Variants in SLC7A3 observed in about 807,000 individuals in gnomAD.
SLC7A3 encodes cationic amino acid transporter 3.
SLC7A3 carries 3 observed loss-of-function variants against 33.2 expected under a neutral mutation model. That is an observed-to-expected ratio of 0.09 (90% CI 0.04 to 0.23). SLC7A3 has a LOEUF of 0.23. Ranked by LOEUF, SLC7A3 falls within the 10% of genes least tolerant of loss-of-function variation. The probability of loss-of-function intolerance (pLI) is 1.00; values close to 1 mark genes in which losing one functional copy is unlikely to be tolerated. For missense variants in SLC7A3, 360 were observed against 488.8 expected, an observed-to-expected ratio of 0.74 and a Z score of 2.48; for synonymous variants, 193 against 195.1, an observed-to-expected ratio of 0.99 and a Z score of 0.09.
At chrX:70,928,410 C>T in intron 4 of SLC7A3, 46 bp downstream of exon 4, 2 of 1,154,044 alleles carry the variant, frequency 1.7e-6, no homozygotes, top group East Asian at 6.2e-5. Context: ...CCCCTTCTTC[C>T]CCTTCATTTT....
intron 8 of SLC7A3, 119 bp downstream of exon 8, chrX:70,927,163 C>T: frequency 9.4e-7 from 1 of 1,065,570 alleles, no homozygotes; most frequent in Non-Finnish European, 1.3e-6. Context: ...GGTGAGATAC[C>T]CAGATTCCTC....
intron 1 of SLC7A3, among the ~76,000 whole-genome samples, 165 bp from the exon 2 acceptor site, chrX:70,930,187 C>A (rs1488620264): frequency 8.9e-6 from 1 of 111,941 alleles, no homozygotes; most frequent in Non-Finnish European, 1.9e-5. Flanking sequence ...TCAGTTTCTT[C>A]ATAAACAAGT....
At chrX:70,927,079 T>C (rs2091898677) in intron 8 of SLC7A3, 38 bp from the exon 9 acceptor site, 1 of 1,174,201 alleles carries the variant, frequency 8.5e-7, no homozygotes, top group South Asian at 2.0e-5. Flanking sequence ...AAGAACAACC[T>C]TTACTCACTT....
intron 7 of SLC7A3, 45 bp from the exon 8 acceptor site, chrX:70,927,429 C>T: frequency 8.3e-7 from 1 of 1,209,618 alleles, no homozygotes; most frequent in African/African-American, 1.7e-5. Context: ...AAGGGAGTGG[C>T]AAAGTTAAAG....
intron 5 of SLC7A3, 59 bp from the exon 6 acceptor site, chrX:70,928,079 C>T (rs747194229): frequency 1.7e-6 from 2 of 1,183,590 alleles, no homozygotes; most frequent in Non-Finnish European, 2.3e-6. Flanking sequence ...CTACCACCCC[C>T]AGTCTGCATA....
Position 70,930,023 on chromosome X carries a change from C to T in SLC7A3, c.-25-1G>A, listed in dbSNP as rs765097811. Reference sequence around the variant, plus strand: ...CCTAGCAGGAATTGAAGAAGATGATCTGGTGAAAAACAAGACAAAAACCCC... The same window carrying T: ...CCTAGCAGGAATTGAAGAAGATGATTTGGTGAAAAACAAGACAAAAACCCC... On this transcript the variant is annotated splice_acceptor_variant, in intron 1 of 11. Transcript: ENST00000374299. LOFTEE classifies it low-confidence loss of function (5UTR_SPLICE). The T allele has an allele frequency of 8.5e-7, 1 of 1,181,342 alleles. No individual in the cohort carries two copies. The highest frequency in any genetic ancestry group is 3.0e-5 in the East Asian group (1 of 33,411).
intron 3 of SLC7A3, 54 bp downstream of exon 3, chrX:70,928,790 G>C: frequency 8.5e-7 from 1 of 1,181,827 alleles, no homozygotes; most frequent in South Asian, 1.9e-5. Context: ...CTGGCCCCAA[G>C]GACTAGCCCC....
In SLC7A3 at chrX:70,926,953, A is replaced by G. The variant is rs2091898406; in HGVS notation, c.1375T>C (p.Trp459Arg). 4 of 1,211,391 alleles carry G rather than the reference A, an allele frequency of 3.3e-6. No individual in the cohort carries two copies. The highest frequency in any genetic ancestry group is 4.5e-6 in the Non-Finnish European group (4 of 895,395). ...ITTESEKLTL[W>R]GLFFPLNSIP... ...GAGTTGAGTGGGAAAAATAGTCCCC[A>G]TAGGGTCAACTTCTCTGATTCAGTA... The change falls in exon 9 of 12, where the codon TGG (tryptophan) becomes CGG (arginine). Residue 459 changes from tryptophan to arginine, a missense_variant. Transcript: ENST00000374299.
chrX:70,926,206 A>G, intron 10 of SLC7A3, 28 bp from the exon 11 acceptor site: 2 of 1,138,761 alleles, frequency 1.8e-6, no homozygotes, highest in African/African-American at 1.8e-5. Context: ...TCTTCTTTGT[A>G]CATACCACAG....
At chrX:70,930,622 T>TA (rs1190806104) in intron 1 of SLC7A3, among the ~76,000 whole-genome samples, 2 of 112,193 alleles carry the variant, frequency 1.8e-5, no homozygotes, top group Non-Finnish European at 3.8e-5. Flanking sequence ...CAAGCCCTGC[T>TA]AGGCTGACCT....
rs770740603 is a variant in SLC7A3, at chrX:70,928,303, A to G, written c.708-46T>C. 7.9e-6 allele frequency: 9 copies of G among 1,138,019 alleles called. No homozygotes were observed. The Admixed American group carries it at 1.6e-4, about 21-fold the overall frequency. The allele number at this position is 1,138,019 out of a possible 1,213,427, so 93.8% of individuals were successfully genotyped here. A position where few individuals can be genotyped will look rare whatever the true frequency, so the allele number is the denominator to read the frequency against. On this transcript the variant is annotated intron_variant, in intron 4 of 11. Coordinates refer to ENST00000374299, the MANE Select transcript of SLC7A3 (RefSeq NM_032803.6). ...GAGAAGGTAAGGGTGTGTTCAGCCA[A>G]CTCTGTATCTTTTCTCTAATGCCAA...
At chrX:70,927,452 C>A in intron 7 of SLC7A3, 32 bp downstream of exon 7, 1 of 1,210,894 alleles carries the variant, frequency 8.3e-7, no homozygotes, top group Non-Finnish European at 1.1e-6. Context: ...GTTGGCGAAA[C>A]AACTAAGGGA....
At chrX:70,927,734 T>G (rs1035900357) in intron 6 of SLC7A3, 64 bp downstream of exon 6, 1 of 1,151,188 alleles carries the variant, frequency 8.7e-7, no homozygotes, top group Non-Finnish European at 1.2e-6. Context: ...AGGGGTATTC[T>G]CTGGTACTGA....
Position 70,927,864 on chromosome X carries a change from A to C in SLC7A3, c.977T>G (p.Leu326Arg). 3 of 1,201,737 alleles carry C rather than the reference A, an allele frequency of 2.5e-6. No individual in the cohort carries two copies. The highest frequency in any genetic ancestry group is 2.2e-6 in the Non-Finnish European group (2 of 890,277). The change falls in exon 6 of 12, where the codon CTC becomes CGC. Residue 326 changes from leucine to arginine, a missense_variant. Physicochemically the swap from Leu to Arg is moderately radical, Grantham distance 102. Transcript: ENST00000374299. ...GCGGGCAGGAGCCCATCCAATGTAG[A>C]GAAATGCCTCAGGCAAAGGGCTCTC... ...QPESPLPEAF[L>R]YIGWAPARYV...
rs779168327 is a variant in SLC7A3, at chrX:70,928,017, T to G, written c.824A>C (p.Glu275Ala). The change falls in exon 6 of 12, where the codon GAA becomes GCA. Residue 275 changes from glutamate (E) to alanine (A), a missense_variant. By Grantham distance (107) the Glu-to-Ala change is moderately radical. Transcript: ENST00000374299. ...GGAACGCTGGGGATTCTGGGCTTCT[T>G]CTCCTGAAGGAAGGGCGTAAGGTTC... ...VGFDCIATTGEEAQNPQRSIP... is the reference protein window; with the variant it reads ...VGFDCIATTGAEAQNPQRSIP... 1 of 1,210,291 alleles carries G rather than the reference T, an allele frequency of 8.3e-7. No individual in the cohort carries two copies. Among genetic ancestry groups the G allele is most frequent in the Middle Eastern group, 2.3e-4 (1 of 4,349 alleles).
chrX:70,926,778 C>G, intron 9 of SLC7A3, 85 bp from the exon 10 acceptor site: 1 of 1,155,168 alleles, frequency 8.7e-7, no homozygotes, highest in Admixed American at 2.5e-5. Context: ...CAAGGAGAGT[C>G]GCTCTCTCTC....
chrX:70,926,524 T>C lies in SLC7A3; in HGVS notation c.1620+3A>G, dbSNP rs768511468. 31 of 1,192,227 alleles carry C rather than the reference T, an allele frequency of 2.6e-5. No individual in the cohort carries two copies. The highest frequency in any genetic ancestry group is 3.5e-5 in the Non-Finnish European group (31 of 886,647). On this transcript the variant is annotated splice_donor_region_variant and intron_variant, in intron 10 of 11. Transcript: ENST00000374299. ...GCAAGGAAAAAAGACAGAGTTCATTTACCTTAAAGTGAAGGGGAGTGGAAC... is the reference window on the plus strand; with the variant it reads ...GCAAGGAAAAAAGACAGAGTTCATTCACCTTAAAGTGAAGGGGAGTGGAAC...
At chrX:70,928,309 T>G in intron 4 of SLC7A3, 52 bp from the exon 5 acceptor site, 1 of 1,133,204 alleles carries the variant, frequency 8.8e-7, no homozygotes, top group Non-Finnish European at 1.2e-6. Context: ...GCCAACTCTG[T>G]ATCTTTTCTC....
At position 70,927,334 on chromosome X, in the gene SLC7A3, T is replaced by C. The variant is rs765845635; in HGVS notation, c.1234A>G (p.Ile412Val). 5.8e-6 allele frequency: 7 copies of C among 1,211,197 alleles called. No homozygotes were observed. Among genetic ancestry groups the C allele is most frequent in the Non-Finnish European group, 6.7e-6 (6 of 895,367 alleles). The change falls in exon 8 of 12, where the codon ATT (isoleucine) becomes GTT (valine). Residue 412 changes from isoleucine to valine, a missense_variant. Coordinates refer to ENST00000374299, the MANE Select transcript of SLC7A3 (RefSeq NM_032803.6). ...KLTDLVDLMS[I>V]GTLLAYSLVS... ...AGGGAGTAAGCAAGCAGGGTCCCAA[T>C]TGACATGAGGTCCACAAGATCAGTG...
Sources: allele counts gnomAD v4.1 joint callset (sites outside exome capture counted in the v4.1 genomes callset), GRCh38; gene constraint gnomAD v4.1.1; transcripts MANE v1.5; gene names NCBI Gene and HGNC (gene_info 2026-07-23, HGNC 2026-07-21).